The following MYO1D variants were observed in gnomAD, a reference collection of about 807,000 sequenced individuals.
MYO1D encodes the protein unconventional myosin-Id.
A neutral mutation model predicts 122.0 loss-of-function variants in MYO1D; 83 were observed. That is an observed-to-expected ratio of 0.68 (90% CI 0.57 to 0.82). MYO1D has a LOEUF of 0.82. Among genes scored for constraint, MYO1D ranks in the 40% least tolerant of loss-of-function variants. The probability of loss-of-function intolerance (pLI) is 0.00; values close to 1 mark genes in which losing one functional copy is unlikely to be tolerated. For synonymous variants in MYO1D, 464 were observed against 446.9 expected, an observed-to-expected ratio of 1.04 and a Z score of -0.48; for missense variants, 1,157 against 1,269.5, an observed-to-expected ratio of 0.91 and a Z score of 1.35.
chr17:32,722,924 G>C (rs949689803), intron 14 of MYO1D, among the ~76,000 whole-genome samples: 4 of 152,112 alleles, frequency 2.6e-5, no homozygotes, highest in Non-Finnish European at 5.9e-5. Flanking sequence ...TCCGTCATGT[G>C]CTGGAACTTA....
At chr17:32,567,317 G>C (rs949901014) in intron 21 of MYO1D, among the ~76,000 whole-genome samples, 1 of 152,202 alleles carries the variant, frequency 6.6e-6, no homozygotes, top group African/African-American at 2.4e-5. Flanking sequence ...CTCAGCGAAT[G>C]AATGTATTTA....
Position 32,500,406 on chromosome 17 carries a change from CT to C in MYO1D, c.2865-5492del, listed in dbSNP as rs371186192. On this transcript the variant is annotated intron_variant, in intron 21 of 21. Coordinates refer to ENST00000318217, the MANE Select transcript of MYO1D (RefSeq NM_015194.3). The stretch of plus-strand genomic sequence containing the variant: ...GTGGCCAGATACCTGTGAACCAGAC[CT>C]GGGAAGGAGGTCTGCTCCTTAGCAG... Among the ~76,000 whole-genome samples, 404 of 152,314 alleles carry C rather than the reference CT, an allele frequency of 2.7e-3. 3 individuals carry two copies. Among genetic ancestry groups the C allele is most frequent in the African/African-American group, 7.5e-3 (312 of 41,554 alleles).
chr17:32,638,601 T>A lies in MYO1D; in HGVS notation c.2709+121A>T. 2 of 581,514 alleles carry A rather than the reference T, an allele frequency of 3.4e-6. 1 individual carries two copies. The highest frequency in any genetic ancestry group is 6.6e-5 in the South Asian group (2 of 30,156). The allele number at this position is 581,514 out of a possible 1,614,324, so 36.0% of individuals were successfully genotyped here. A position where few individuals can be genotyped will look rare whatever the true frequency, so the allele number is the denominator to read the frequency against. On this transcript the variant is annotated intron_variant, in intron 20 of 21. Coordinates refer to ENST00000318217, the MANE Select transcript of MYO1D (RefSeq NM_015194.3). ...CTACAAAACATATGACACATAAAAT[T>A]TCAGGAATTCATGGGCATCCTAAAG... is the stretch of plus-strand genomic sequence containing the variant.
chr17:32,712,056 G>C lies in MYO1D; in HGVS notation c.2053C>G (p.Arg685Gly). ...GKTKIFIRTP[R>G]TLFTLEELRA... ...AGTTCTTCCAAGGTAAACAATGTTCGGGGTGTTCGAATGAAAATTTTGGTC... is the reference window on the plus strand; with the variant it reads ...AGTTCTTCCAAGGTAAACAATGTTCCGGGTGTTCGAATGAAAATTTTGGTC... The change falls in exon 16 of 22, where the codon CGA (arginine) becomes GGA (glycine). Residue 685 changes from arginine (R) to glycine (G), a missense_variant. By Grantham distance (125) the Arg-to-Gly change is moderately radical. Coordinates refer to ENST00000318217, the MANE Select transcript of MYO1D (RefSeq NM_015194.3). 6.2e-7 allele frequency: 1 copy of C among 1,614,020 alleles called. No individual in the cohort carries two copies. The highest frequency in any genetic ancestry group is 2.2e-5 in the East Asian group (1 of 44,870).
At chr17:32,598,667 A>T (rs1440296389) in intron 21 of MYO1D, among the ~76,000 whole-genome samples, 1 of 152,150 alleles carries the variant, frequency 6.6e-6, no homozygotes, top group Non-Finnish European at 1.5e-5. Context: ...CAAGTCACAC[A>T]ATTTTTTTTT....
chr17:32,669,213 C>A (rs1202530573), intron 16 of MYO1D, among the ~76,000 whole-genome samples: 1 of 152,150 alleles, frequency 6.6e-6, no homozygotes, highest in Non-Finnish European at 1.5e-5. Flanking sequence ...TCCCCTATCT[C>A]CCTGAAAAGG....
At chr17:32,741,730 C>T (rs1198056103) in intron 13 of MYO1D, among the ~76,000 whole-genome samples, 2 of 152,166 alleles carry the variant, frequency 1.3e-5, no homozygotes, top group Non-Finnish European at 2.9e-5. Flanking sequence ...CCATGGCTTC[C>T]ACATTCAACA....
In MYO1D at chr17:32,704,909, CAT is replaced by C. The variant is rs1452961324; in HGVS notation, c.2121+7077_2121+7078del. 5.9e-5 allele frequency among the ~76,000 whole-genome samples: 9 copies of C among 152,160 alleles called. No individual in the cohort carries two copies. The South Asian group carries it at 1.0e-3, about 18-fold the overall frequency. ...TAAATTTGCATTTAATATAAAATAA[CAT>C]ATTTTAAATAATATAAAATTATATT... On this transcript the variant is annotated intron_variant, in intron 16 of 21. Transcript: ENST00000318217.
chr17:32,731,631 A>G (rs1328714434), intron 14 of MYO1D, among the ~76,000 whole-genome samples: 2 of 152,206 alleles, frequency 1.3e-5, no homozygotes, highest in Non-Finnish European at 2.9e-5. Flanking sequence ...TGCTGCCATG[A>G]TGCTGGCTGC....
chr17:32,722,532 T>G (rs1368135175), intron 14 of MYO1D, among the ~76,000 whole-genome samples: 1 of 152,192 alleles, frequency 6.6e-6, no homozygotes, highest in East Asian at 1.9e-4. Flanking sequence ...ACCTCTTCGT[T>G]CTGACTTTTC....
chr17:32,690,091 T>TA (rs2089075151), intron 16 of MYO1D, among the ~76,000 whole-genome samples: 1 of 152,144 alleles, frequency 6.6e-6, no homozygotes, highest in South Asian at 2.1e-4. Context: ...ATTTTTTACT[T>TA]ATATATAGGT....
chr17:32,516,628 T>A (rs747784404), intron 21 of MYO1D, among the ~76,000 whole-genome samples: 1 of 152,260 alleles, frequency 6.6e-6, no homozygotes, highest in Non-Finnish European at 1.5e-5. Flanking sequence ...CCACATGGCT[T>A]CTTGCCAAAT....
At chr17:32,734,626 T>G (rs1206175320) in intron 14 of MYO1D, 1 of 152,210 alleles carries the variant, frequency 6.6e-6, no homozygotes, top group Non-Finnish European at 1.5e-5. Context: ...TCCTAACATT[T>G]TATAATTTCC....
intron 21 of MYO1D, among the ~76,000 whole-genome samples, chr17:32,538,877 A>G (rs527763924): frequency 1.3e-5 from 2 of 152,288 alleles, no homozygotes; most frequent in African/African-American, 2.4e-5. Flanking sequence ...GTTCTTGCTC[A>G]TAAGTGAGAG....
intron 1 of MYO1D, among the ~76,000 whole-genome samples, chr17:32,793,436 A>G (rs2090378147): frequency 6.6e-6 from 1 of 152,152 alleles, no homozygotes; most frequent in Non-Finnish European, 1.5e-5. Flanking sequence ...AAGCTTAGAG[A>G]AGGATACCTA....
intron 21 of MYO1D, among the ~76,000 whole-genome samples, chr17:32,503,375 C>T (rs1388409723): frequency 6.6e-6 from 1 of 152,246 alleles, no homozygotes; most frequent in Non-Finnish European, 1.5e-5. Context: ...TGCCCTGCCC[C>T]TGCAGAAGCC....
At chr17:32,510,541 C>T (rs1909658861) in intron 21 of MYO1D, 1 of 152,244 alleles carries the variant, frequency 6.6e-6, no homozygotes. Flanking sequence ...TTCTCCAGCA[C>T]ACATCTTTGT....
At position 32,854,844 on chromosome 17, in the gene MYO1D, T is replaced by C. The variant is rs527437940; in HGVS notation, c.95+21934A>G. On this transcript the variant is annotated intron_variant, in intron 1 of 21. Coordinates refer to ENST00000318217, the MANE Select transcript of MYO1D (RefSeq NM_015194.3). ...TGAATTGAAAGTAGAGAGCTGGAAG[T>C]AGAGTTTCCTGGAATGAGGGAACTG... Among the ~76,000 whole-genome samples the C allele has an allele frequency of 4.6e-5, 7 of 152,316 alleles. No individual in the cohort carries two copies. The South Asian group carries it at 1.0e-3, about 23-fold the overall frequency.
chr17:32,585,083 G>A (rs974035932), intron 21 of MYO1D, among the ~76,000 whole-genome samples: 11 of 152,252 alleles, frequency 7.2e-5, no homozygotes, highest in East Asian at 1.9e-4. Flanking sequence ...GCTAGGCTGC[G>A]CTTGGGTTGT....
Sources: gnomAD v4.1 joint callset for allele counts (sites outside exome capture counted in the v4.1 genomes callset) on GRCh38, gnomAD v4.1.1 for gene constraint, MANE v1.5 for transcripts, NCBI Gene and HGNC (gene_info 2026-07-23, HGNC 2026-07-21) for gene names.